Variants in ANO6 observed in about 807,000 individuals in gnomAD.
ANO6 encodes the protein anoctamin 6.
A neutral mutation model predicts 117.5 loss-of-function variants in ANO6; 106 were observed. The observed-to-expected ratio is 0.90, with a 90% CI of 0.77 to 1.06. ANO6 has a LOEUF of 1.06. Ranked by LOEUF, ANO6 falls within the 50% of genes least tolerant of loss-of-function variation. The pLI is 0.00. For synonymous variants in ANO6, 367 were observed against 385.1 expected (o/e 0.95, Z 0.55); for missense variants, 955 against 1,121.1 (o/e 0.85, Z 2.12).
intron 15 of ANO6, among the ~76,000 whole-genome samples, chr12:45,407,753 C>T (rs1942979396): frequency 1.3e-5 from 2 of 152,152 alleles, no homozygotes; most frequent in Admixed American, 6.5e-5. Flanking sequence ...TGTTAGGAAA[C>T]GTGCTACATC....
chr12:45,342,701 A>G (rs1034989600), intron 3 of ANO6, among the ~76,000 whole-genome samples: 16 of 152,172 alleles, frequency 1.1e-4, no homozygotes, highest in Non-Finnish European at 5.9e-5. Flanking sequence ...TTCATTCATC[A>G]GACATTTATT....
chr12:45,407,436 T>G (rs1942964971), intron 15 of ANO6, among the ~76,000 whole-genome samples: 1 of 138,134 alleles, frequency 7.2e-6, no homozygotes, highest in Non-Finnish European at 1.5e-5. Context: ...GAGTTCGGTG[T>G]CATGAAGGGT....
chr12:45,416,851 G>A lies in ANO6; in HGVS notation c.2164G>A (p.Gly722Arg), dbSNP rs1240232601. 6.2e-7 allele frequency: 1 copy of A among 1,614,078 alleles called. No individual in the cohort carries two copies. Among genetic ancestry groups the A allele is most frequent in the Non-Finnish European group, 8.5e-7 (1 of 1,180,042 alleles). The change falls in exon 17 of 20, where the codon GGA becomes AGA. Residue 722 changes from glycine to arginine, a missense_variant. Physicochemically the swap from Gly to Arg is moderately radical, Grantham distance 125. Transcript: ENST00000320560. ...RLVPEKAQDI[G>R]AWQPIMQGIA... The stretch of plus-strand genomic sequence containing the variant: ...GGTACCAGAGAAAGCCCAAGACATT[G>A]GAGCATGGCAGCCCATCATGCAAGG...
chr12:45,436,608 A>C (rs866130593), downstream of ANO6, among the ~76,000 whole-genome samples: 1 of 152,216 alleles, frequency 6.6e-6, no homozygotes, highest in Non-Finnish European at 1.5e-5. Context: ...TATTAAAACA[A>C]ACACAGATAT....
intron 1 of ANO6, among the ~76,000 whole-genome samples, chr12:45,296,290 G>T (rs1212005378): frequency 1.3e-5 from 2 of 152,094 alleles, no homozygotes; most frequent in Non-Finnish European, 2.9e-5. Context: ...AGGTGATATG[G>T]GCCATTCCTT....
intron 1 of ANO6, among the ~76,000 whole-genome samples, chr12:45,258,487 C>T (rs964897436): frequency 2.0e-5 from 3 of 151,916 alleles, no homozygotes; most frequent in African/African-American, 7.3e-5. Context: ...TGGGATATGT[C>T]CACGTTCCCT....
intron 8 of ANO6, among the ~76,000 whole-genome samples, chr12:45,365,379 T>C (rs562706586): frequency 6.6e-6 from 1 of 152,360 alleles, no homozygotes; most frequent in East Asian, 1.9e-4. Context: ...TTCCTAATTT[T>C]TCCTTTTAAG....
chr12:45,245,618 A>C (rs1275929221), intron 1 of ANO6, among the ~76,000 whole-genome samples: 5 of 152,206 alleles, frequency 3.3e-5, no homozygotes, highest in Non-Finnish European at 7.4e-5. Flanking sequence ...AGAATGCCTG[A>C]ATTAAAATCA....
chr12:45,419,489 T>C (rs1443475104), intron 17 of ANO6, among the ~76,000 whole-genome samples: 3 of 152,216 alleles, frequency 2.0e-5, no homozygotes, highest in African/African-American at 7.2e-5. Flanking sequence ...CATATGTATA[T>C]GTACATTTTT....
intron 9 of ANO6, among the ~76,000 whole-genome samples, 159 bp from the exon 10 acceptor site, chr12:45,377,894 G>A (rs1402995756): frequency 6.6e-6 from 1 of 152,188 alleles, no homozygotes. Context: ...TAAGTATGTA[G>A]TGGATACATT....
chr12:45,286,848 C>T (rs1405177420), intron 1 of ANO6, among the ~76,000 whole-genome samples: 2 of 152,164 alleles, frequency 1.3e-5, no homozygotes, highest in Admixed American at 6.5e-5. Flanking sequence ...TTTCCAGGTG[C>T]AGACACTGAG....
intron 10 of ANO6, among the ~76,000 whole-genome samples, chr12:45,381,837 G>A (rs1362513648): frequency 1.3e-5 from 2 of 152,002 alleles, no homozygotes; most frequent in Non-Finnish European, 1.5e-5. Context: ...TTATAGCACC[G>A]ACTAGAGTTG....
intron 19 of ANO6, among the ~76,000 whole-genome samples, chr12:45,424,327 GTTTTTTTTTTTTTTTT>G (rs66945216): frequency 6.2e-5 from 5 of 81,240 alleles, no homozygotes; most frequent in Admixed American, 1.9e-4. Context: ...TAGGTGATGG[GTTTTTTTTTTTTTTTT>G]TTTTTTTTTT....
At chr12:45,376,680 C>T (rs1198259243) in intron 9 of ANO6, among the ~76,000 whole-genome samples, 11 of 137,038 alleles carry the variant, frequency 8.0e-5, no homozygotes, top group African/African-American at 1.4e-4. Flanking sequence ...GGAAGGGGAA[C>T]ATCACACTCT....
chr12:45,331,136 C>G (rs973118841), intron 2 of ANO6, among the ~76,000 whole-genome samples, 159 bp from the exon 3 acceptor site: 9 of 151,832 alleles, frequency 5.9e-5, no homozygotes, highest in African/African-American at 1.9e-4. Flanking sequence ...ACCATGTTTG[C>G]CATGTCAGTC....
chr12:45,311,876 C>G (rs961931790), intron 2 of ANO6, among the ~76,000 whole-genome samples: 4 of 152,024 alleles, frequency 2.6e-5, no homozygotes, highest in Admixed American at 6.6e-5. Context: ...ACATCTCACC[C>G]TATTGAGTTT....
chr12:45,249,110 G>A lies in ANO6; in HGVS notation c.70+32719G>A, dbSNP rs146985682. On this transcript the variant is annotated intron_variant, in intron 1 of 19. Coordinates refer to ENST00000320560, the MANE Select transcript of ANO6 (RefSeq NM_001025356.3). ...TTTCTGAGGATGAAATAACACAAAT[G>A]TTAAGTTGCTTTGAAAGATCTCATT... is the stretch of plus-strand genomic sequence containing the variant. Among the ~76,000 whole-genome samples the A allele has an allele frequency of 5.3e-5, 8 of 152,268 alleles. No homozygotes were observed. The East Asian group carries it at 1.5e-3, about 29-fold the overall frequency.
At chr12:45,228,291 CTTTTT>C (rs34786875) in intron 1 of ANO6, 55 of 166,688 alleles carry the variant, frequency 3.3e-4, no homozygotes, top group East Asian at 8.0e-4. Context: ...CCAGGCCCTC[CTTTTT>C]TTTTTTTTTT....
chr12:45,328,219 C>T (rs1940537025), intron 2 of ANO6, among the ~76,000 whole-genome samples: 1 of 152,112 alleles, frequency 6.6e-6, no homozygotes, highest in South Asian at 2.1e-4. Context: ...CCCTACAGCA[C>T]ACACCATTTA....
Sources: gnomAD v4.1 joint callset for allele counts (sites outside exome capture counted in the v4.1 genomes callset) on GRCh38, gnomAD v4.1.1 for gene constraint, MANE v1.5 for transcripts, NCBI Gene and HGNC (gene_info 2026-07-23, HGNC 2026-07-21) for gene names.